Variants in TP63 observed in about 807,000 individuals in gnomAD.
The protein encoded by TP63 is tumor protein p63.
TP63 carries 17 observed loss-of-function variants against 82.8 expected under a neutral mutation model. That is an observed-to-expected ratio of 0.21 (90% CI 0.14 to 0.31). The LOEUF (loss-of-function observed/expected upper bound fraction) is 0.31, where lower values mean the gene tolerates loss of function less well. Among genes scored for constraint, TP63 ranks in the 10% least tolerant of loss-of-function variants. The probability of loss-of-function intolerance (pLI) is 1.00; values close to 1 mark genes in which losing one functional copy is unlikely to be tolerated. For missense variants in TP63, 648 were observed against 895.3 expected (o/e 0.72, Z 3.52); for synonymous variants, 330 against 321.7 (o/e 1.03, Z -0.28).
chr3:189,669,862 G>T (rs1268871453), intron 1 of TP63, among the ~76,000 whole-genome samples: 2 of 151,872 alleles, frequency 1.3e-5, no homozygotes, highest in African/African-American at 2.4e-5. Context: ...GAATAAGAAA[G>T]CAGCAAAAAC....
At chr3:189,843,362 G>T (rs756427260) in intron 4 of TP63, among the ~76,000 whole-genome samples, 1 of 152,182 alleles carries the variant, frequency 6.6e-6, no homozygotes, top group Non-Finnish European at 1.5e-5. Context: ...TTGTGGGCGC[G>T]GCCCGGGAAG....
intron 1 of TP63, among the ~76,000 whole-genome samples, chr3:189,643,568 C>T: frequency 6.6e-6 from 1 of 152,152 alleles, no homozygotes; most frequent in South Asian, 2.1e-4. Context: ...AAGCCCTCCT[C>T]CATGAACTCT....
At chr3:189,880,056 C>T (rs774573939) in intron 10 of TP63, 1 of 1,613,390 alleles carries the variant, frequency 6.2e-7, no homozygotes, top group Non-Finnish European at 8.5e-7. Context: ...TCTGGTTCCT[C>T]TCTGCAGTCT....
chr3:189,826,697 G>A (rs919790152), intron 4 of TP63, among the ~76,000 whole-genome samples: 7 of 152,082 alleles, frequency 4.6e-5, no homozygotes, highest in Non-Finnish European at 8.8e-5. Context: ...ACTAACCACC[G>A]AAACTGGTGT....
Position 189,855,453 on chromosome 3 carries a change from G to A in TP63, c.580-8779G>A, listed in dbSNP as rs541060848. ...CTCTGTTTTAAGAGATCTATCTAAA[G>A]CCAATTTATATACTAAACTGTGCTA... On this transcript the variant is annotated intron_variant, in intron 4 of 13. Coordinates refer to ENST00000264731, the MANE Select transcript of TP63 (RefSeq NM_003722.5). 2.7e-3 allele frequency among the ~76,000 whole-genome samples: 406 copies of A among 152,202 alleles called. 1 individual carries two copies. The highest frequency in any genetic ancestry group is 8.8e-3 in the African/African-American group (365 of 41,548).
At chr3:189,694,790 C>CTTTTTATTTTTTTTTTTTT (rs1717225408) in intron 1 of TP63, among the ~76,000 whole-genome samples, 1 of 32,730 alleles carries the variant, frequency 3.1e-5, no homozygotes, top group Non-Finnish European at 5.4e-5. Context: ...TATTTACAGC[C>CTTTTTATTTTTTTTTTTTT]TTTTTTTTTT....
chr3:189,653,319 T>C lies in TP63; in HGVS notation c.62+21742T>C, dbSNP rs532865772. 6.6e-5 allele frequency among the ~76,000 whole-genome samples: 10 copies of C among 152,276 alleles called. No individual in the cohort carries two copies. The South Asian group carries it at 2.1e-3, about 32-fold the overall frequency. ...ACACTGACCAAAGACCAAAACATCCTTCAACAGCCTGACTAGCACATTTGT... is the reference window on the plus strand; with the variant it reads ...ACACTGACCAAAGACCAAAACATCCCTCAACAGCCTGACTAGCACATTTGT... On this transcript the variant is annotated intron_variant, in intron 1 of 13. Coordinates refer to ENST00000264731, the MANE Select transcript of TP63 (RefSeq NM_003722.5).
chr3:189,865,017 A>G (rs1008577700), intron 5 of TP63, among the ~76,000 whole-genome samples: 1 of 137,050 alleles, frequency 7.3e-6, no homozygotes, highest in Non-Finnish European at 1.5e-5. Context: ...AAAAATAAAA[A>G]ATAAATGAAA....
intron 1 of TP63, among the ~76,000 whole-genome samples, chr3:189,638,624 T>C (rs1015764505): frequency 2.6e-5 from 4 of 152,190 alleles, no homozygotes; most frequent in African/African-American, 9.6e-5. Context: ...CTTCTGATGT[T>C]GTCAGATATT....
chr3:189,694,336 T>A (rs746311151), intron 1 of TP63, among the ~76,000 whole-genome samples: 1 of 152,202 alleles, frequency 6.6e-6, no homozygotes, highest in Non-Finnish European at 1.5e-5. Context: ...TATTTTTAAC[T>A]AAAGTTCATG....
chr3:189,848,432 T>A (rs757761273), intron 4 of TP63, among the ~76,000 whole-genome samples: 20 of 151,726 alleles, frequency 1.3e-4, no homozygotes, highest in Non-Finnish European at 2.8e-4. Context: ...TTGCCCAGAC[T>A]GGTCTCAAAT....
At chr3:189,676,072 T>C (rs1035740811) in intron 1 of TP63, among the ~76,000 whole-genome samples, 2 of 152,186 alleles carry the variant, frequency 1.3e-5, no homozygotes, top group Admixed American at 1.3e-4. Flanking sequence ...TATAACATTA[T>C]GTTTTGATGT....
chr3:189,706,194 A>T (rs1406523149), intron 1 of TP63, among the ~76,000 whole-genome samples: 4 of 152,102 alleles, frequency 2.6e-5, no homozygotes, highest in African/African-American at 9.7e-5. Context: ...TATGACAAAC[A>T]TTATTTTAGA....
At chr3:189,684,805 T>C (rs1045481681) in intron 1 of TP63, among the ~76,000 whole-genome samples, 10 of 151,988 alleles carry the variant, frequency 6.6e-5, no homozygotes, top group African/African-American at 2.4e-4. Flanking sequence ...TAATTTTTTA[T>C]ATTTTTAGTA....
intron 1 of TP63, among the ~76,000 whole-genome samples, chr3:189,677,660 G>A (rs1715560678): frequency 6.6e-6 from 1 of 151,638 alleles, no homozygotes; most frequent in Admixed American, 6.6e-5. Flanking sequence ...TTTCTTCTTT[G>A]AGAAATATCC....
At chr3:189,622,896 G>T in the TP63 span, among the ~76,000 whole-genome samples, 1 of 152,208 alleles carries the variant, frequency 6.6e-6, no homozygotes, top group Admixed American at 6.5e-5. Flanking sequence ...CTGTGAAAGT[G>T]TTCTGTACGA....
chr3:189,606,094 A>G, the TP63 span, among the ~76,000 whole-genome samples: 1 of 152,230 alleles, frequency 6.6e-6, no homozygotes, highest in Non-Finnish European at 1.5e-5. Flanking sequence ...ACCTAACCAC[A>G]TGGTAGAGGA....
chr3:189,745,714 A>AG (rs1279118857), intron 3 of TP63, among the ~76,000 whole-genome samples: 1 of 146,796 alleles, frequency 6.8e-6, no homozygotes, highest in East Asian at 2.0e-4. Flanking sequence ...ATCTCAAAAA[A>AG]AAAAAAAAAA....
At chr3:189,765,526 C>T (rs1161606387) in intron 3 of TP63, among the ~76,000 whole-genome samples, 1 of 138,586 alleles carries the variant, frequency 7.2e-6, no homozygotes, top group Non-Finnish European at 1.5e-5. Flanking sequence ...AGCTCCGCCT[C>T]CCGGGTTCAC....
Sources: gnomAD v4.1 joint callset for allele counts (sites outside exome capture counted in the v4.1 genomes callset) on GRCh38, gnomAD v4.1.1 for gene constraint, MANE v1.5 for transcripts, NCBI Gene and HGNC (gene_info 2026-07-23, HGNC 2026-07-21) for gene names.